PTPRD: variants seen among roughly 807,000 people sequenced by gnomAD.
PTPRD encodes receptor-type tyrosine-protein phosphatase delta.
PTPRD carries 34 observed loss-of-function variants against 214.5 expected under a neutral mutation model. The ratio of observed to expected loss-of-function variants is 0.16; its 90% CI spans 0.12 to 0.21. The LOEUF is 0.21. PTPRD is among the 10% of genes least tolerant of loss of function. The probability of loss-of-function intolerance (pLI) is 1.00; values close to 1 mark genes in which losing one functional copy is unlikely to be tolerated. For missense variants in PTPRD, 2,545 were observed against 2,398.7 expected, an observed-to-expected ratio of 1.06 and a Z score of -1.27; for synonymous variants, 1,128 against 845.7, an observed-to-expected ratio of 1.33 and a Z score of -5.79.
chr9:8,369,081 G>T lies in PTPRD; in HGVS notation c.4661+6855C>A, dbSNP rs376726599. 6.6e-5 allele frequency among the ~76,000 whole-genome samples: 10 copies of T among 152,078 alleles called. No individual in the cohort carries two copies. The East Asian group carries it at 1.2e-3, about 18-fold the overall frequency. Reference sequence around the variant, plus strand: ...AAACATGGGTCTATGGTTCACGTTTGTCAGCATCTCAAAACTATCACATGC... The same window carrying T: ...AAACATGGGTCTATGGTTCACGTTTTTCAGCATCTCAAAACTATCACATGC... On this transcript the variant is annotated intron_variant, in intron 39 of 45. Transcript: ENST00000381196.
chr9:10,276,903 T>G (rs1163500687), intron 3 of PTPRD, among the ~76,000 whole-genome samples: 2 of 152,216 alleles, frequency 1.3e-5, no homozygotes, highest in East Asian at 3.8e-4. Flanking sequence ...CAAAGTTTGG[T>G]ACAATCAGAA....
chr9:9,615,554 A>AGTTT lies in PTPRD; in HGVS notation c.-286-40777_-286-40774dup, dbSNP rs748590155. On this transcript the variant is annotated intron_variant, in intron 7 of 45. Coordinates refer to ENST00000381196, the MANE Select transcript of PTPRD (RefSeq NM_002839.4). Reference sequence around the variant, plus strand: ...TCTATCTTATAGCTACATTTACCATAGTTTGTTTGTTTGTTTGTTCATTAA... The same window carrying AGTTT: ...TCTATCTTATAGCTACATTTACCATAGTTTGTTTGTTTGTTTGTTTGTTCATTAA... Among the ~76,000 whole-genome samples, 17 of 152,100 alleles carry AGTTT rather than the reference A, an allele frequency of 1.1e-4. No individual in the cohort carries two copies. In the South Asian group the frequency reaches 1.5e-3, roughly 13 times the overall value.
chr9:9,152,097 TG>T (rs2099877294), intron 10 of PTPRD, among the ~76,000 whole-genome samples: 1 of 152,242 alleles, frequency 6.6e-6, no homozygotes, highest in Non-Finnish European at 1.5e-5. Flanking sequence ...TGGAATCTTC[TG>T]TGTCATTGCA....
At chr9:9,886,933 C>A (rs1207808442) in intron 5 of PTPRD, among the ~76,000 whole-genome samples, 1 of 152,064 alleles carries the variant, frequency 6.6e-6, no homozygotes, top group Admixed American at 6.6e-5. Flanking sequence ...CCCAGATGCT[C>A]CAGTTCTTGT....
intron 7 of PTPRD, among the ~76,000 whole-genome samples, chr9:9,575,064 A>C (rs1016290536): frequency 2.8e-5 from 2 of 72,678 alleles, no homozygotes; most frequent in African/African-American, 4.6e-5. Flanking sequence ...GCTGATGGAT[A>C]ACATTTGCAA....
intron 5 of PTPRD, among the ~76,000 whole-genome samples, chr9:9,802,614 A>G (rs1598280972): frequency 1.3e-5 from 2 of 151,938 alleles, no homozygotes; most frequent in South Asian, 2.1e-4. Context: ...ATAGTAACTC[A>G]TATCACACAA....
rs1482996356 is a variant in PTPRD, at chr9:10,030,291, T to G, written c.-472+3427A>C. ...GTCAAATATATTTCTAGGTTTCTTT[T>G]GGGGAAACTGGGTAGATACCCTTTA... On this transcript the variant is annotated intron_variant, in intron 4 of 45. Coordinates refer to ENST00000381196, the MANE Select transcript of PTPRD (RefSeq NM_002839.4). 2.2e-5 allele frequency among the ~76,000 whole-genome samples: 3 copies of G among 136,874 alleles called. No homozygotes were observed. In the East Asian group the frequency reaches 8.5e-4, roughly 39 times the overall value. 89.8% of individuals were successfully genotyped at this position (136,874 alleles called of 152,430 possible). A position where few individuals can be genotyped will look rare whatever the true frequency, so the allele number is the denominator to read the frequency against.
chr9:9,815,542 A>C (rs1000668139), intron 5 of PTPRD, among the ~76,000 whole-genome samples: 3 of 152,162 alleles, frequency 2.0e-5, no homozygotes, highest in African/African-American at 7.2e-5. Flanking sequence ...AATCTTCTAC[A>C]CAGCAAAGGA....
At chr9:9,726,080 T>C (rs1274097114) in intron 7 of PTPRD, among the ~76,000 whole-genome samples, 1 of 152,200 alleles carries the variant, frequency 6.6e-6, no homozygotes, top group East Asian at 1.9e-4. Context: ...AAATTTCTCA[T>C]TGTTTTTTAA....
intron 2 of PTPRD, among the ~76,000 whole-genome samples, chr9:10,483,408 C>A (rs1316154654): frequency 6.6e-6 from 1 of 151,176 alleles, no homozygotes; most frequent in Non-Finnish European, 1.5e-5. Context: ...AAAGCAAATG[C>A]AAGAAAAATA....
At chr9:9,599,756 T>C (rs1352459522) in intron 7 of PTPRD, among the ~76,000 whole-genome samples, 1 of 151,994 alleles carries the variant, frequency 6.6e-6, no homozygotes, top group Admixed American at 6.6e-5. Flanking sequence ...GGCACATCTC[T>C]ATTAGCAAAC....
At chr9:8,944,022 G>C (rs1360922568) in intron 11 of PTPRD, among the ~76,000 whole-genome samples, 2 of 151,826 alleles carry the variant, frequency 1.3e-5, no homozygotes, top group Non-Finnish European at 2.9e-5. Flanking sequence ...TTAATAACCA[G>C]AATATGTAAG....
chr9:10,459,870 T>C (rs2098945808), intron 2 of PTPRD, among the ~76,000 whole-genome samples: 1 of 151,822 alleles, frequency 6.6e-6, no homozygotes, highest in Non-Finnish European at 1.5e-5. Flanking sequence ...AAAGAAATAA[T>C]ATTAAGAAAA....
At chr9:10,588,542 ATACTATT>A (rs2074554139) in intron 2 of PTPRD, among the ~76,000 whole-genome samples, 1 of 151,886 alleles carries the variant, frequency 6.6e-6, no homozygotes, top group Non-Finnish European at 1.5e-5. Flanking sequence ...ATCAGAACTC[ATACTATT>A]GATATTAGAA....
intron 7 of PTPRD, among the ~76,000 whole-genome samples, chr9:9,595,292 A>ATATATATATATATATTATATATATTT (rs2093193212): frequency 6.6e-4 from 2 of 3,020 alleles, no homozygotes; most frequent in Non-Finnish European, 1.1e-3. Context: ...TATATATTAT[A>ATATATATATATATATTATATATATTT]TATATATATA....
At chr9:9,958,282 C>A (rs541863500) in intron 4 of PTPRD, among the ~76,000 whole-genome samples, 2 of 152,174 alleles carry the variant, frequency 1.3e-5, no homozygotes, top group Admixed American at 1.3e-4. Context: ...GTAATCCCAG[C>A]ACTTTGGGAG....
chr9:8,909,866 CA>C (rs35074557), intron 11 of PTPRD, among the ~76,000 whole-genome samples: 21,268 of 121,732 alleles, frequency 0.17, 1,821 homozygotes, highest in East Asian at 0.28. Context: ...ATATTAAAGG[CA>C]AAAAAAAAAA....
intron 10 of PTPRD, among the ~76,000 whole-genome samples, chr9:9,158,726 CA>C (rs1452131040): frequency 2.0e-4 from 30 of 152,232 alleles, no homozygotes; most frequent in Admixed American, 9.2e-4. Flanking sequence ...AGCATTACCA[CA>C]GTATCAAAGT....
At chr9:8,494,272 T>C (rs572629405) in intron 26 of PTPRD, among the ~76,000 whole-genome samples, 7 of 152,220 alleles carry the variant, frequency 4.6e-5, no homozygotes, top group South Asian at 2.1e-4. Context: ...TCTGGGAACA[T>C]GCTTTCTCAA....
Sources: allele counts gnomAD v4.1 joint callset (sites outside exome capture counted in the v4.1 genomes callset), GRCh38; gene constraint gnomAD v4.1.1; transcripts MANE v1.5; gene names NCBI Gene and HGNC (gene_info 2026-07-23, HGNC 2026-07-21).